Variants in RFX3 observed in about 807,000 individuals in gnomAD.
The protein encoded by RFX3 is regulatory factor X3.
RFX3 carries 14 observed loss-of-function variants against 98.6 expected under a neutral mutation model. The observed-to-expected ratio is 0.14, with a 90% CI of 0.09 to 0.22. The LOEUF (loss-of-function observed/expected upper bound fraction) is 0.22. Among genes scored for constraint, RFX3 ranks in the 10% least tolerant of loss-of-function variants. The pLI, the probability that RFX3 is intolerant of heterozygous loss-of-function variation, is 1.00. For synonymous variants in RFX3, 383 were observed against 328.4 expected (o/e 1.17, Z -1.80); for missense variants, 639 against 926.9 (o/e 0.69, Z 4.03).
At chr9:3,476,892 C>T (rs970280169) in intron 1 of RFX3, among the ~76,000 whole-genome samples, 7 of 152,060 alleles carry the variant, frequency 4.6e-5, no homozygotes, top group African/African-American at 1.2e-4. Flanking sequence ...ATCCTAGCTC[C>T]ACCACTTACT....
At chr9:3,295,511 GAAAGAAAAAAATTCTGGAA>G (rs1180739791) in intron 5 of RFX3, among the ~76,000 whole-genome samples, 2 of 151,714 alleles carry the variant, frequency 1.3e-5, no homozygotes, top group Non-Finnish European at 2.9e-5. Flanking sequence ...AAGAAGACAC[GAAAGAAAAAAATTCTGGAA>G]AGGCAGACAT....
intron 4 of RFX3, among the ~76,000 whole-genome samples, chr9:3,327,361 A>T (rs1402622424): frequency 1.3e-5 from 2 of 152,192 alleles, no homozygotes; most frequent in East Asian, 3.8e-4. Context: ...CTGTAAACTG[A>T]GAATCACAAC....
intron 12 of RFX3, among the ~76,000 whole-genome samples, chr9:3,265,452 C>T (rs1823503878): frequency 6.6e-6 from 1 of 152,222 alleles, no homozygotes; most frequent in South Asian, 2.1e-4. Context: ...CTCTGCCCCC[C>T]GATTCAAAGG....
intron 2 of RFX3, among the ~76,000 whole-genome samples, chr9:3,370,582 G>T (rs1837729234): frequency 6.6e-6 from 1 of 151,956 alleles, no homozygotes; most frequent in South Asian, 2.1e-4. Flanking sequence ...CGAGCCAGAG[G>T]AAAGTTTTCT....
rs1365451260 is a variant in RFX3 at position 3,504,878 on chromosome 9, AT to A, written c.-9+20868del. On this transcript the variant is annotated intron_variant, in intron 1 of 16. Transcript: ENST00000617270. ...ATATGATATAATATATATTATATAT[AT>A]TATATATAATATAACATATATTATA... Among the ~76,000 whole-genome samples the A allele has an allele frequency of 1.4e-3, 73 of 52,318 alleles. 1 individual carries two copies. Among genetic ancestry groups the A allele is most frequent in the Admixed American group, 4.6e-3 (14 of 3,038 alleles). 34.3% of individuals were successfully genotyped at this position (52,318 alleles called of 152,430 possible).
In RFX3 at chr9:3,283,402, A is replaced by T. The variant is rs185672148; in HGVS notation, c.851+4729T>A. Among the ~76,000 whole-genome samples, 204 of 151,860 alleles carry T rather than the reference A, an allele frequency of 1.3e-3. 3 individuals are homozygous for T. The Middle Eastern group carries it at 0.014, about 10-fold the overall frequency. On this transcript the variant is annotated intron_variant, in intron 7 of 16. Coordinates refer to ENST00000617270, the MANE Select transcript of RFX3 (RefSeq NM_001282116.2). ...GTGAGATAGTCTATTATGAATTTCT[A>T]TTTTGCAGATGAAGAAACTGAGGCT...
chr9:3,453,823 T>C (rs1233827171), intron 1 of RFX3: 1 of 152,206 alleles, frequency 6.6e-6, no homozygotes, highest in African/African-American at 2.4e-5. Flanking sequence ...TGAAATTGTC[T>C]TTGGCATTAT....
chr9:3,235,200 T>C (rs72697067), intron 15 of RFX3, among the ~76,000 whole-genome samples: 18,049 of 152,212 alleles, frequency 0.12, 1,271 homozygotes, highest in African/African-American at 0.19. Context: ...GGACATTTGC[T>C]CCAATTTGGG....
At chr9:3,457,004 G>T (rs925803773) in intron 1 of RFX3, among the ~76,000 whole-genome samples, 1 of 151,870 alleles carries the variant, frequency 6.6e-6, no homozygotes, top group Non-Finnish European at 1.5e-5. Flanking sequence ...AGCTGGGTGT[G>T]GTGGTATGCA....
intron 1 of RFX3, among the ~76,000 whole-genome samples, chr9:3,443,139 A>G (rs2132715305): frequency 6.6e-6 from 1 of 152,356 alleles, no homozygotes; most frequent in Non-Finnish European, 1.5e-5. Context: ...TTAAGAAGGT[A>G]CAAATTAATA....
intron 4 of RFX3, among the ~76,000 whole-genome samples, chr9:3,322,855 T>A (rs978689739): frequency 4.6e-5 from 7 of 152,322 alleles, no homozygotes; most frequent in South Asian, 2.1e-4. Flanking sequence ...TTCTGACCTC[T>A]TTACCTCCCT....
At chr9:3,289,935 T>A (rs1432146880) in intron 6 of RFX3, among the ~76,000 whole-genome samples, 1 of 152,026 alleles carries the variant, frequency 6.6e-6, no homozygotes, top group African/African-American at 2.4e-5. Flanking sequence ...TACATATAGT[T>A]CATTTTAAAA....
At chr9:3,520,937 C>T (rs1818648424) in intron 1 of RFX3, among the ~76,000 whole-genome samples, 2 of 152,140 alleles carry the variant, frequency 1.3e-5, no homozygotes, top group African/African-American at 4.8e-5. Flanking sequence ...GCCTCAGTCC[C>T]AAAGTGTTGG....
intron 4 of RFX3, among the ~76,000 whole-genome samples, chr9:3,315,428 T>C (rs1830468124): frequency 6.6e-6 from 1 of 151,750 alleles, no homozygotes; most frequent in Non-Finnish European, 1.5e-5. Context: ...GCAGGAAAGA[T>C]CTAAAATTGA....
At position 3,373,861 on chromosome 9, in the gene RFX3, G is replaced by A. The variant is rs144546330; in HGVS notation, c.117+21611C>T. On this transcript the variant is annotated intron_variant, in intron 2 of 16. Transcript: ENST00000617270. ...TGGGAGGCAGAGGCAGGCAGATCAC[G>A]AAGTCAGGAGATCAAGACCATCTTG... 5.2e-3 allele frequency among the ~76,000 whole-genome samples: 785 copies of A among 152,234 alleles called. 5 individuals carry two copies. Among genetic ancestry groups the A allele is most frequent in the African/African-American group, 0.018 (752 of 41,550 alleles).
At chr9:3,334,350 G>A (rs1026566187) in intron 3 of RFX3, among the ~76,000 whole-genome samples, 1 of 152,082 alleles carries the variant, frequency 6.6e-6, no homozygotes, top group Admixed American at 6.6e-5. Flanking sequence ...TTACCACTTC[G>A]GATTGGAATT....
Position 3,344,495 on chromosome 9 carries a change from C to G in RFX3, c.215+2172G>C, listed in dbSNP as rs983485258. The stretch of plus-strand genomic sequence containing the variant: ...CAGATTTTCGGCTCAACTGGTACTT[C>G]ATTTCATACATAACAGACTAATCTC... On this transcript the variant is annotated intron_variant, in intron 3 of 16. Coordinates refer to ENST00000617270, the MANE Select transcript of RFX3 (RefSeq NM_001282116.2). Among the ~76,000 whole-genome samples, 17 of 152,250 alleles carry G rather than the reference C, an allele frequency of 1.1e-4. No homozygotes were observed. In the East Asian group the frequency reaches 3.3e-3, roughly 29 times the overall value.
chr9:3,267,171 A>G (rs1413701927), intron 11 of RFX3, among the ~76,000 whole-genome samples: 1 of 152,012 alleles, frequency 6.6e-6, no homozygotes, highest in Non-Finnish European at 1.5e-5. Flanking sequence ...TCCAGTTAAT[A>G]GTATTTTACT....
chr9:3,445,989 C>A (rs527998242), intron 1 of RFX3, among the ~76,000 whole-genome samples: 1 of 152,234 alleles, frequency 6.6e-6, no homozygotes, highest in East Asian at 1.9e-4. Flanking sequence ...ATGTACACCA[C>A]TCTATTCATA....
Sources: allele counts gnomAD v4.1 joint callset (sites outside exome capture counted in the v4.1 genomes callset), GRCh38; gene constraint gnomAD v4.1.1; transcripts MANE v1.5; gene names NCBI Gene and HGNC (gene_info 2026-07-23, HGNC 2026-07-21).